POLA2: variants seen among roughly 807,000 people sequenced by gnomAD.
POLA2 encodes DNA polymerase alpha 2, accessory subunit.
A neutral mutation model predicts 82.8 loss-of-function variants in POLA2; 47 were observed. The observed-to-expected ratio is 0.57, with a 90% CI of 0.45 to 0.72. The LOEUF (loss-of-function observed/expected upper bound fraction) is 0.72, where lower values mean the gene tolerates loss of function less well. Among genes scored for constraint, POLA2 ranks in the 30% least tolerant of loss-of-function variants. The probability of loss-of-function intolerance (pLI) is 0.00; values close to 1 mark genes in which losing one functional copy is unlikely to be tolerated. For synonymous variants in POLA2, 287 were observed against 286.8 expected, an observed-to-expected ratio of 1.00 and a Z score of -0.01; for missense variants, 634 against 728.1, an observed-to-expected ratio of 0.87 and a Z score of 1.49.
downstream of POLA2, among the ~76,000 whole-genome samples, chr11:65,303,578 G>A (rs1161592646): frequency 6.6e-6 from 1 of 152,020 alleles, no homozygotes; most frequent in East Asian, 1.9e-4. Flanking sequence ...TTTATATGTC[G>A]ATCCAGCTTT....
At chr11:65,268,272 T>C (rs1949483535) in intron 3 of POLA2, among the ~76,000 whole-genome samples, 2 of 151,814 alleles carry the variant, frequency 1.3e-5, no homozygotes, top group South Asian at 4.2e-4. Context: ...ATCTCAATAA[T>C]AATAATAGTA....
intron 1 of POLA2, among the ~76,000 whole-genome samples, chr11:65,265,913 G>A (rs988295889): frequency 6.6e-6 from 1 of 152,110 alleles, no homozygotes; most frequent in Non-Finnish European, 1.5e-5. Flanking sequence ...CTCCCTTGGC[G>A]ATCTCACCTG....
intron 4 of POLA2, among the ~76,000 whole-genome samples, chr11:65,274,213 G>T (rs941575809): frequency 2.0e-5 from 3 of 151,782 alleles, no homozygotes; most frequent in Admixed American, 2.0e-4. Context: ...TTAGCTGGGC[G>T]TGGTGGTGCA....
chr11:65,301,331 CCT>C (rs887983995), downstream of POLA2, among the ~76,000 whole-genome samples: 8 of 152,102 alleles, frequency 5.3e-5, no homozygotes, highest in East Asian at 1.9e-4. Flanking sequence ...CCTCCCACCC[CCT>C]GTGCCTCACC....
In POLA2 at chr11:65,289,864, C is replaced by A; in HGVS notation, c.1236C>A (p.Gly412=). ...AGTGTCTACGAACAATTATTGAAGG[C>A]ACAAGAAGGTCAGATTTCAAAATAC... The part of the protein sequence containing the change: ...FKQCLRTIIE[G]TRSSGSHLVF... Residue 412 remains glycine, a synonymous_variant, in exon 13 of 18, where the codon GGC becomes GGA. Transcript: ENST00000265465. 1 of 1,598,662 alleles carries A rather than the reference C, an allele frequency of 6.3e-7. No individual in the cohort carries two copies. Among genetic ancestry groups the A allele is most frequent in the Non-Finnish European group, 8.6e-7 (1 of 1,165,976 alleles).
intron 9 of POLA2, among the ~76,000 whole-genome samples, chr11:65,282,251 T>G (rs1298658804): frequency 6.6e-6 from 1 of 152,214 alleles, no homozygotes; most frequent in Admixed American, 6.5e-5. Context: ...AATTGAGTAG[T>G]GACCTCCCAT....
intron 4 of POLA2, among the ~76,000 whole-genome samples, chr11:65,275,618 G>A (rs1949568934): frequency 6.6e-6 from 1 of 152,204 alleles, no homozygotes; most frequent in South Asian, 2.1e-4. Context: ...GGATTTGACA[G>A]GACACATTAC....
chr11:65,264,094 G>T (rs2137482281), intron 1 of POLA2, among the ~76,000 whole-genome samples: 1 of 152,120 alleles, frequency 6.6e-6, no homozygotes, highest in South Asian at 2.1e-4. Flanking sequence ...TTTTTGAGAT[G>T]GAGTTTCTCA....
chr11:65,294,325 T>C, intron 14 of POLA2, 64 bp downstream of exon 14: 1 of 1,364,250 alleles, frequency 7.3e-7, no homozygotes, highest in Non-Finnish European at 1.0e-6. Flanking sequence ...CCACTAGCTC[T>C]GGCCCTGAAG....
At chr11:65,304,878 C>T (rs1327084590) in intron 8 of POLA2, among the ~76,000 whole-genome samples, 3 of 152,108 alleles carry the variant, frequency 2.0e-5, no homozygotes, top group African/African-American at 7.2e-5. Flanking sequence ...GAACAGGGCA[C>T]GTGGCAGTCA....
chr11:65,269,466 G>T (rs1350289540), intron 4 of POLA2, among the ~76,000 whole-genome samples: 1 of 147,240 alleles, frequency 6.8e-6, no homozygotes, highest in Admixed American at 6.8e-5. Flanking sequence ...CAGCCTGGGC[G>T]ACAGAGCGAG....
chr11:65,281,048 C>G lies in POLA2; in HGVS notation c.801C>G (p.Asn267Lys). Residue 267 changes from asparagine (N) to lysine (K), a missense_variant, in exon 8 of 18, where the codon AAC becomes AAG. By Grantham distance (94) the Asn-to-Lys change is moderately conservative. Coordinates refer to ENST00000265465, the MANE Select transcript of POLA2 (RefSeq NM_002689.4). ...GTGATAGCAACGGGAAGCTGAACAA[C>G]AAGTCAGTGATTCTCGAGGGAGACC... ...IGCDSNGKLN[N>K]KSVILEGDRE... The G allele has an allele frequency of 6.2e-7, 1 of 1,614,132 alleles. No homozygotes were observed. Among genetic ancestry groups the G allele is most frequent in the Non-Finnish European group, 8.5e-7 (1 of 1,180,012 alleles).
chr11:65,294,445 C>A, intron 14 of POLA2, 101 bp from the exon 15 acceptor site: 1 of 1,094,626 alleles, frequency 9.1e-7, no homozygotes, highest in East Asian at 2.4e-5. Context: ...TTTGGTCCCC[C>A]TTTCCGTGGT....
At chr11:65,277,234 G>A (rs1289636686) in intron 5 of POLA2, among the ~76,000 whole-genome samples, 4 of 149,136 alleles carry the variant, frequency 2.7e-5, no homozygotes, top group Non-Finnish European at 5.9e-5. Context: ...CTGGAGTGCA[G>A]TGGCACAACT....
At chr11:65,292,388 C>T (rs1487957684) in intron 13 of POLA2, among the ~76,000 whole-genome samples, 1 of 152,036 alleles carries the variant, frequency 6.6e-6, no homozygotes, top group East Asian at 1.9e-4. Context: ...TTTTCTGATC[C>T]CTCCTTCTAT....
chr11:65,287,640 C>A, intron 10 of POLA2, 76 bp from the exon 11 acceptor site: 1 of 1,323,996 alleles, frequency 7.6e-7, no homozygotes, highest in Non-Finnish European at 1.1e-6. Flanking sequence ...TGTGGCATTT[C>A]CCATCATTGT....
intron 5 of POLA2, 118 bp downstream of exon 5, chr11:65,276,116 G>A: frequency 2.0e-6 from 1 of 499,254 alleles, no homozygotes; most frequent in Non-Finnish European, 3.6e-6. Flanking sequence ...ATGTACCTCT[G>A]CAGTGAATTG....
intron 7 of POLA2, chr11:65,280,000 TCA>T (rs1441345540): frequency 1.6e-5 from 3 of 188,802 alleles, no homozygotes; most frequent in South Asian, 2.7e-4. Context: ...GGACAATGAC[TCA>T]CAGTCTCTCC....
intron 4 of POLA2, among the ~76,000 whole-genome samples, chr11:65,271,833 C>T (rs555414140): frequency 1.4e-5 from 2 of 140,890 alleles, no homozygotes; most frequent in South Asian, 4.6e-4. Context: ...AACCAGACTC[C>T]GTCTGAAAAA....
Sources: allele counts gnomAD v4.1 joint callset (sites outside exome capture counted in the v4.1 genomes callset), GRCh38; gene constraint gnomAD v4.1.1; transcripts MANE v1.5; gene names NCBI Gene and HGNC (gene_info 2026-07-23, HGNC 2026-07-21).